The following MANBA variants were observed in gnomAD, a reference collection of about 807,000 sequenced individuals.
MANBA encodes mannosidase beta.
Under a neutral mutation model 111.1 loss-of-function variants are expected in MANBA, and 83 were observed. The ratio of observed to expected loss-of-function variants is 0.75; its 90% CI spans 0.63 to 0.90. MANBA has a LOEUF of 0.90. MANBA is among the 40% of genes least tolerant of loss of function. The pLI is 0.00. For missense variants in MANBA, 1,036 were observed against 1,069.0 expected (o/e 0.97, Z 0.43); for synonymous variants, 370 against 378.7 (o/e 0.98, Z 0.27).
intron 12 of MANBA, among the ~76,000 whole-genome samples, chr4:102,653,554 T>C (rs1730435751): frequency 6.6e-6 from 1 of 152,152 alleles, no homozygotes; most frequent in African/African-American, 2.4e-5. Flanking sequence ...TTTTATTTAG[T>C]TTTTCTTTTG....
intron 1 of MANBA, among the ~76,000 whole-genome samples, chr4:102,743,916 G>A (rs1002175673): frequency 7.2e-5 from 11 of 152,304 alleles, no homozygotes; most frequent in African/African-American, 2.2e-4. Flanking sequence ...ATTCAGCTAT[G>A]AGGGCCTCCC....
chr4:102,726,078 T>TA (rs1346828651), intron 2 of MANBA, among the ~76,000 whole-genome samples: 1 of 150,346 alleles, frequency 6.7e-6, no homozygotes, highest in Non-Finnish European at 1.5e-5. Flanking sequence ...TTCCCCCCTT[T>TA]AAAAGACTAG....
In MANBA at chr4:102,635,978, A is replaced by T. The variant is rs146881830; in HGVS notation, c.2044T>A (p.Tyr682Asn). ...GGAGCAAAGAAATTCTGAGCAAAGT[A>T]ATGAAGCATTTTCCACTTTCCTCCG... ...EYGGKWKMLHYFAQNFFAPLL... is the reference protein window; with the variant it reads ...EYGGKWKMLHNFAQNFFAPLL... Residue 682 changes from tyrosine (Y) to asparagine (N), a missense_variant, in exon 15 of 17, where the codon TAC becomes AAC. Tyr to Asn is a moderately radical substitution (Grantham distance 143). Coordinates refer to ENST00000647097, the MANE Select transcript of MANBA (RefSeq NM_005908.4). The T allele has an allele frequency of 3.1e-6, 5 of 1,613,746 alleles. No individual in the cohort carries two copies. The South Asian group carries it at 3.3e-5, about 11-fold the overall frequency.
intron 1 of MANBA, among the ~76,000 whole-genome samples, chr4:102,744,025 G>C (rs1723504051): frequency 6.6e-6 from 1 of 152,234 alleles, no homozygotes. Context: ...TTGCACAGCA[G>C]CCTGGACCTG....
chr4:102,749,615 G>T (rs72937852), intron 1 of MANBA, among the ~76,000 whole-genome samples: 7,120 of 152,236 alleles, frequency 0.047, 319 homozygotes, highest in African/African-American at 0.12. Context: ...GAACATCGGG[G>T]TTTGAATCCT....
At chr4:102,688,441 C>T (rs1352771766) in intron 7 of MANBA, among the ~76,000 whole-genome samples, 2 of 146,180 alleles carry the variant, frequency 1.4e-5, no homozygotes, top group Admixed American at 6.9e-5. Flanking sequence ...AGAAAATACA[C>T]AGCATGATTG....
At position 102,686,090 on chromosome 4, in the gene MANBA, A is replaced by C. The variant is rs546994044; in HGVS notation, c.960+3484T>G. On this transcript the variant is annotated intron_variant, in intron 7 of 16. Coordinates refer to ENST00000647097, the MANE Select transcript of MANBA (RefSeq NM_005908.4). ...GCTTTCAGCACAGAGTGGTATTCCAAATCAACATATGGGTCCTAAATCTAC... is the reference window on the plus strand; with the variant it reads ...GCTTTCAGCACAGAGTGGTATTCCACATCAACATATGGGTCCTAAATCTAC... Among the ~76,000 whole-genome samples, 19 of 152,270 alleles carry C rather than the reference A, an allele frequency of 1.2e-4. No homozygotes were observed. In the South Asian group the frequency reaches 3.9e-3, roughly 32 times the overall value.
chr4:102,638,487 A>G (rs986840332), intron 14 of MANBA, among the ~76,000 whole-genome samples: 1 of 151,806 alleles, frequency 6.6e-6, no homozygotes, highest in Non-Finnish European at 1.5e-5. Flanking sequence ...TTTCCCACAG[A>G]CCTACTCTTC....
intron 1 of MANBA, chr4:102,752,463 A>G: frequency 1.3e-6 from 1 of 768,918 alleles, no homozygotes; most frequent in Non-Finnish European, 2.4e-6. Flanking sequence ...TGATTTCAGG[A>G]TCTTTAGATA....
chr4:102,683,187 A>AT (rs1428424654), intron 7 of MANBA, among the ~76,000 whole-genome samples: 1 of 151,756 alleles, frequency 6.6e-6, no homozygotes, highest in Non-Finnish European at 1.5e-5. Context: ...AAAAAAAAAA[A>AT]CTGAAAAAGA....
At chr4:102,652,166 C>T (rs228628) in intron 12 of MANBA, among the ~76,000 whole-genome samples, 68,972 of 151,926 alleles carry the variant, frequency 0.45, 16,141 homozygotes, top group South Asian at 0.53. Context: ...ACTATAGTTA[C>T]CCCAAAGTGC....
intron 12 of MANBA, 23 bp downstream of exon 12, chr4:102,657,659 T>C (rs1364799521): frequency 1.3e-6 from 2 of 1,550,014 alleles, no homozygotes; most frequent in African/African-American, 2.7e-5. Flanking sequence ...TCTGAAACAT[T>C]AGAAAATCAA....
chr4:102,667,522 G>T (rs1358327910), intron 10 of MANBA: 1 of 152,038 alleles, frequency 6.6e-6, no homozygotes, highest in Non-Finnish European at 1.5e-5. Context: ...TTGAAGACAC[G>T]CTGAGTTAGT....
chr4:102,695,374 T>C (rs1247037735), intron 5 of MANBA, among the ~76,000 whole-genome samples: 4 of 152,170 alleles, frequency 2.6e-5, no homozygotes, highest in African/African-American at 9.7e-5. Flanking sequence ...TACTTCAAGT[T>C]TGTCAAAAAG....
chr4:102,703,412 T>C (rs1733151971), intron 5 of MANBA, among the ~76,000 whole-genome samples: 1 of 152,174 alleles, frequency 6.6e-6, no homozygotes, highest in African/African-American at 2.4e-5. Context: ...TGAAACAAAA[T>C]GGATAGCAGC....
chr4:102,675,380 C>T (rs1167435188), intron 7 of MANBA, among the ~76,000 whole-genome samples: 2 of 152,202 alleles, frequency 1.3e-5, no homozygotes, highest in South Asian at 2.1e-4. Context: ...TGATGTAGCT[C>T]TGCGGCAGAG....
chr4:102,756,512 T>C (rs766883078), intron 1 of MANBA, among the ~76,000 whole-genome samples: 1 of 152,016 alleles, frequency 6.6e-6, no homozygotes, highest in African/African-American at 2.4e-5. Flanking sequence ...TTAGGAGATA[T>C]ACCTAATGTA....
intron 13 of MANBA, among the ~76,000 whole-genome samples, chr4:102,647,724 T>C (rs1487441636): frequency 6.6e-6 from 1 of 152,114 alleles, no homozygotes; most frequent in African/African-American, 2.4e-5. Flanking sequence ...GAATTACATA[T>C]AACCCTGGCA....
chr4:102,724,928 T>C (rs891540131), intron 2 of MANBA, among the ~76,000 whole-genome samples: 2 of 152,192 alleles, frequency 1.3e-5, no homozygotes, highest in African/African-American at 4.8e-5. Flanking sequence ...TGCTACAACA[T>C]GGATGAACTT....
Sources: allele counts gnomAD v4.1 joint callset (sites outside exome capture counted in the v4.1 genomes callset), GRCh38; gene constraint gnomAD v4.1.1; transcripts MANE v1.5; gene names NCBI Gene and HGNC (gene_info 2026-07-23, HGNC 2026-07-21).